The following ADGB variants were observed in gnomAD, a reference collection of about 807,000 sequenced individuals.
ADGB encodes androglobin, also known as calpain-7-like protein.
ADGB carries 172 observed loss-of-function variants against 210.5 expected under a neutral mutation model. The observed-to-expected ratio is 0.82, with a 90% CI of 0.72 to 0.93. The LOEUF (loss-of-function observed/expected upper bound fraction) is 0.93, where lower values mean the gene tolerates loss of function less well. Ranked by LOEUF, ADGB falls within the 40% of genes least tolerant of loss-of-function variation. The probability of loss-of-function intolerance (pLI) is 0.00; values close to 1 mark genes in which losing one functional copy is unlikely to be tolerated. For missense variants in ADGB, 2,025 were observed against 1,964.8 expected (o/e 1.03, Z -0.58); for synonymous variants, 658 against 662.7 (o/e 0.99, Z 0.11).
At chr6:146,697,742 T>C (rs1562277250) in intron 12 of ADGB, among the ~76,000 whole-genome samples, 1 of 152,142 alleles carries the variant, frequency 6.6e-6, no homozygotes. Flanking sequence ...AACTCAAATC[T>C]TAACGGCCAA....
At chr6:146,796,960 A>G (rs1778052890) in intron 33 of ADGB, among the ~76,000 whole-genome samples, 1 of 152,198 alleles carries the variant, frequency 6.6e-6, no homozygotes, top group African/African-American at 2.4e-5. Flanking sequence ...ACAAAGGACA[A>G]ATATCCAGAG....
intron 21 of ADGB, among the ~76,000 whole-genome samples, chr6:146,733,639 G>A (rs1285892755): frequency 6.6e-6 from 1 of 151,880 alleles, no homozygotes; most frequent in Non-Finnish European, 1.5e-5. Context: ...TTTTATTTTT[G>A]AGAAAAATCT....
intron 35 of ADGB, among the ~76,000 whole-genome samples, chr6:146,814,007 A>AATC (rs1554260447): frequency 1.0e-5 from 1 of 99,050 alleles, no homozygotes; most frequent in African/African-American, 2.9e-5. Flanking sequence ...TCTCCTTAAA[A>AATC]TCTCTCTCTC....
rs535297111 is a variant in ADGB, at chr6:146,800,484, G to T, written c.4538-699G>T. ...AAATTTACTAAGAAGTATTGAATTA[G>T]AACCTTAAAATGGTTGAATTTTATA... is the stretch of plus-strand genomic sequence containing the variant. On this transcript the variant is annotated intron_variant, in intron 33 of 35. Transcript: ENST00000397944. Among the ~76,000 whole-genome samples, 4 of 152,152 alleles carry T rather than the reference G, an allele frequency of 2.6e-5. No individual in the cohort carries two copies. In the South Asian group the frequency reaches 8.3e-4, roughly 32 times the overall value.
intron 29 of ADGB, among the ~76,000 whole-genome samples, chr6:146,775,835 A>T (rs1471089693): frequency 6.6e-6 from 1 of 151,744 alleles, no homozygotes; most frequent in Non-Finnish European, 1.5e-5. Context: ...TATATATATA[A>T]AAAGACTTTT....
intron 35 of ADGB, among the ~76,000 whole-genome samples, chr6:146,808,848 A>G (rs145733546): frequency 2.8e-4 from 32 of 115,652 alleles, no homozygotes; most frequent in Non-Finnish European, 4.6e-4. Flanking sequence ...TGGGGTGATC[A>G]TACCCAACAC....
chr6:146,626,142 T>A (rs1407702195), intron 1 of ADGB, among the ~76,000 whole-genome samples: 1 of 152,000 alleles, frequency 6.6e-6, no homozygotes, highest in African/African-American at 2.4e-5. Context: ...CTCTACCCTC[T>A]TGTGATGTTA....
At chr6:146,709,427 T>C (rs1009754844) in intron 13 of ADGB, among the ~76,000 whole-genome samples, 1 of 152,148 alleles carries the variant, frequency 6.6e-6, no homozygotes. Flanking sequence ...CACAGGCAGG[T>C]TTGTTACTGT....
chr6:146,654,040 G>T, intron 3 of ADGB, 95 bp from the exon 4 acceptor site: 1 of 762,204 alleles, frequency 1.3e-6, no homozygotes, highest in Non-Finnish European at 2.0e-6. Context: ...TCAAAAAATT[G>T]CAACTTCAGG....
At chr6:146,738,509 G>A (rs925788678) in intron 23 of ADGB, among the ~76,000 whole-genome samples, 2 of 140,516 alleles carry the variant, frequency 1.4e-5, no homozygotes, top group African/African-American at 2.7e-5. Flanking sequence ...GAGTGCAGTG[G>A]CACGATCTGG....
At chr6:146,756,695 A>G (rs1777410667) in intron 27 of ADGB, among the ~76,000 whole-genome samples, 1 of 151,886 alleles carries the variant, frequency 6.6e-6, no homozygotes, top group Non-Finnish European at 1.5e-5. Context: ...CCCAATAAAT[A>G]GTACTACCCA....
At chr6:146,777,452 G>C (rs1257780198) in intron 29 of ADGB, among the ~76,000 whole-genome samples, 1 of 152,050 alleles carries the variant, frequency 6.6e-6, no homozygotes, top group Non-Finnish European at 1.5e-5. Flanking sequence ...CTTCATGTTG[G>C]GGAAAGGTAA....
chr6:146,655,213 C>G (rs1424206179), intron 4 of ADGB, among the ~76,000 whole-genome samples: 1 of 152,136 alleles, frequency 6.6e-6, no homozygotes, highest in Non-Finnish European at 1.5e-5. Context: ...GGGCTTTTCT[C>G]CTTGAGATCC....
At chr6:146,730,977 G>C (rs558355901) in intron 20 of ADGB, among the ~76,000 whole-genome samples, 112 of 152,236 alleles carry the variant, frequency 7.4e-4, no homozygotes, top group African/African-American at 2.6e-3. Context: ...ATTTCTGAGA[G>C]AGAGAGAGAG....
intron 14 of ADGB, among the ~76,000 whole-genome samples, chr6:146,716,010 G>A (rs1266285377): frequency 1.4e-5 from 2 of 147,870 alleles, no homozygotes; most frequent in African/African-American, 2.5e-5. Flanking sequence ...AGAGGTTGCA[G>A]TGAGCCAAGA....
chr6:146,691,601 G>A (rs1341420009), intron 11 of ADGB, among the ~76,000 whole-genome samples: 10 of 128,116 alleles, frequency 7.8e-5, no homozygotes, highest in Admixed American at 6.6e-4. Flanking sequence ...TCCGCCTCCC[G>A]GGTTCACACC....
intron 13 of ADGB, among the ~76,000 whole-genome samples, chr6:146,714,115 T>C (rs935286938): frequency 9.2e-5 from 14 of 152,226 alleles, no homozygotes; most frequent in African/African-American, 3.4e-4. Context: ...CTTCTTTCTT[T>C]CATATAAGAA....
rs1188092554 is a variant in ADGB at position 146,691,189 on chromosome 6, G to C, written c.1385G>C (p.Ser462Thr). Reference sequence around the variant, plus strand: ...AGCCATCCTGTGCTGGTGACTAGAAGTAGGTCTTGTCCTCTGGTAGCACCA... The same window carrying C: ...AGCCATCCTGTGCTGGTGACTAGAACTAGGTCTTGTCCTCTGGTAGCACCA... ...ICSHPVLVTR[S>T]RSCPLVAPPK... The change falls in exon 11 of 36, where the codon AGT (serine) becomes ACT (threonine). Residue 462 changes from serine (S) to threonine (T), a missense_variant. Physicochemically the swap from Ser to Thr is moderately conservative, Grantham distance 58. Transcript: ENST00000397944. 2 of 1,549,496 alleles carry C rather than the reference G, an allele frequency of 1.3e-6. No individual in the cohort carries two copies. The highest frequency in any genetic ancestry group is 2.8e-5 in the African/African-American group (2 of 72,492).
At chr6:146,664,444 A>T (rs979671228) in intron 6 of ADGB, 104 bp downstream of exon 6, 195 of 1,225,038 alleles carry the variant, frequency 1.6e-4, no homozygotes, top group Non-Finnish European at 1.9e-4. Flanking sequence ...GCTAAAAGAC[A>T]GCTTTTTCCC....
Sources: gnomAD v4.1 joint callset for allele counts (sites outside exome capture counted in the v4.1 genomes callset) on GRCh38, gnomAD v4.1.1 for gene constraint, MANE v1.5 for transcripts, NCBI Gene and HGNC (gene_info 2026-07-23, HGNC 2026-07-21) for gene names.